The following LIPE variants were observed in gnomAD, a reference collection of about 807,000 sequenced individuals.
LIPE encodes the protein lipase E, hormone sensitive type.
Under a neutral mutation model 88.5 loss-of-function variants are expected in LIPE, and 66 were observed. That is an observed-to-expected ratio of 0.75 (90% confidence interval 0.61 to 0.91). The LOEUF (loss-of-function observed/expected upper bound fraction) is 0.91. Among genes scored for constraint, LIPE ranks in the 40% least tolerant of loss-of-function variants. The probability of loss-of-function intolerance (pLI) is 0.00; values close to 1 mark genes in which losing one functional copy is unlikely to be tolerated. For synonymous variants in LIPE, 570 were observed against 617.5 expected, an observed-to-expected ratio of 0.92 and a Z score of 1.14; for missense variants, 1,346 against 1,434.7, an observed-to-expected ratio of 0.94 and a Z score of 1.00.
chr19:42,412,241 C>T, intron 1 of LIPE: 1 of 982,922 alleles, frequency 1.0e-6, no homozygotes, highest in East Asian at 1.1e-4. Context: ...CCATCTGCTC[C>T]AGTGACTTCC....
chr19:42,406,112 G>A lies in LIPE; in HGVS notation c.2365+49C>T. The A allele has an allele frequency of 1.3e-6, 2 of 1,506,950 alleles. No homozygotes were observed. The highest frequency in any genetic ancestry group is 1.7e-5 in the Admixed American group (1 of 57,174). The allele number at this position is 1,506,950 out of a possible 1,614,324, so 93.3% of individuals were successfully genotyped here. ...TGGTCCCCAGCCCGTCCCTGCAGGA[G>A]TCAGACATCCATGCAGTCCTGTTTC... is the stretch of plus-strand genomic sequence containing the variant. On this transcript the variant is annotated intron_variant, in intron 7 of 9. Coordinates refer to ENST00000244289, the MANE Select transcript of LIPE (RefSeq NM_005357.4). The surrounding 1 kb of genome is among the most constrained non-coding windows in gnomAD (Gnocchi z 5.7).
Position 42,410,875 on chromosome 19 carries a change from G to T in LIPE, c.884-33C>A. 6.6e-7 allele frequency: 1 copy of T among 1,514,648 alleles called. No homozygotes were observed. Among genetic ancestry groups the T allele is most frequent in the Non-Finnish European group, 8.8e-7 (1 of 1,134,232 alleles). 93.8% of individuals were successfully genotyped at this position (1,514,648 alleles called of 1,614,324 possible). A position where few individuals can be genotyped will look rare whatever the true frequency, so the allele number is the denominator to read the frequency against. Reference sequence around the variant, plus strand: ...CAGGTGGGGAGGCCTGTTAGGTGGGGCTGGATCAAGCCTTGCTTAGCTGGG... The same window carrying T: ...CAGGTGGGGAGGCCTGTTAGGTGGGTCTGGATCAAGCCTTGCTTAGCTGGG... On this transcript the variant is annotated intron_variant, in intron 1 of 9. Transcript: ENST00000244289. This position sits in a 1 kb window ranked among gnomAD's most constrained non-coding sequence, Gnocchi z 6.1.
rs746014470 is a variant in LIPE, at chr19:42,402,829, A to G, written c.2745T>C (p.Pro915=). 7 of 1,613,414 alleles carry G rather than the reference A, an allele frequency of 4.3e-6. No individual in the cohort carries two copies. In the African/African-American group the frequency reaches 6.7e-5, roughly 15 times the overall value. The part of the protein sequence containing the change: ...TPSDVNFLLP[P]EDAGEEAEAK... ...CCTCAGCCTCTTCCCCTGCATCCTC[A>G]GGTGGTAATAAGAAGTTGACATCGG... The change falls in exon 9 of 10, where the codon CCT becomes CCC. Residue 915 remains proline (P), a synonymous_variant. Coordinates refer to ENST00000244289, the MANE Select transcript of LIPE (RefSeq NM_005357.4).
At position 42,407,099 on chromosome 19, in the gene LIPE, T is replaced by A; in HGVS notation, c.2137+75A>T. The A allele has an allele frequency of 7.6e-7, 1 of 1,310,950 alleles. No individual in the cohort carries two copies. Among genetic ancestry groups the A allele is most frequent in the Non-Finnish European group, 1.0e-6 (1 of 982,190 alleles). 81.2% of individuals were successfully genotyped at this position (1,310,950 alleles called of 1,614,324 possible). A position where few individuals can be genotyped will look rare whatever the true frequency, so the allele number is the denominator to read the frequency against. On this transcript the variant is annotated intron_variant, in intron 6 of 9. Coordinates refer to ENST00000244289, the MANE Select transcript of LIPE (RefSeq NM_005357.4). This position sits in a 1 kb window ranked among gnomAD's most constrained non-coding sequence, Gnocchi z 5.8. Reference sequence around the variant, plus strand: ...GAGAGAAAGGTAGAGGGTGTGAGGCTGAGGCTGGAGGAGCTTAAAGCAAGC... The same window carrying A: ...GAGAGAAAGGTAGAGGGTGTGAGGCAGAGGCTGGAGGAGCTTAAAGCAAGC...
intron 1 of LIPE, among the ~76,000 whole-genome samples, chr19:42,426,012 G>C (rs529473213): frequency 1.1e-4 from 16 of 151,792 alleles, no homozygotes; most frequent in African/African-American, 3.9e-4. Context: ...ATCTTGGCTA[G>C]GCTGGTCTTG....
At chr19:42,423,723 A>G (rs2040650440) in intron 1 of LIPE, 2 of 1,130,824 alleles carry the variant, frequency 1.8e-6, no homozygotes, top group Non-Finnish European at 2.2e-6. Flanking sequence ...CAACCGCCAG[A>G]ATTTAAGATC....
chr19:42,413,943 C>CA (rs1305047965), intron 1 of LIPE, among the ~76,000 whole-genome samples: 1 of 152,178 alleles, frequency 6.6e-6, no homozygotes, highest in African/African-American at 2.4e-5. Context: ...GATGGATAGA[C>CA]AGAGGCCTCA....
intron 1 of LIPE, among the ~76,000 whole-genome samples, chr19:42,412,854 T>C (rs989184001): frequency 6.6e-6 from 1 of 152,024 alleles, no homozygotes; most frequent in Non-Finnish European, 1.5e-5. Flanking sequence ...CCCCAGCTGT[T>C]GGGGGGAGAG....
At chr19:42,416,215 A>T (rs1421862416) in intron 1 of LIPE, among the ~76,000 whole-genome samples, 1 of 151,770 alleles carries the variant, frequency 6.6e-6, no homozygotes, top group Non-Finnish European at 1.5e-5. Flanking sequence ...GTGGTGGCGC[A>T]TGCCTGTAAT....
In LIPE at chr19:42,422,456, C is replaced by T. The variant is rs572345555; in HGVS notation, c.883+3811G>A. Among the ~76,000 whole-genome samples, 11 of 152,304 alleles carry T rather than the reference C, an allele frequency of 7.2e-5. No homozygotes were observed. In the South Asian group the frequency reaches 2.3e-3, roughly 32 times the overall value. On this transcript the variant is annotated intron_variant, in intron 1 of 9. Transcript: ENST00000244289. ...CAGCGAGTGCCCTTGGGCTCCAGTCCGTCTGCCCTCTGAGCCTGTCTGAGC... is the reference window on the plus strand; with the variant it reads ...CAGCGAGTGCCCTTGGGCTCCAGTCTGTCTGCCCTCTGAGCCTGTCTGAGC...
Position 42,406,634 on chromosome 19 carries a change from C to T in LIPE, c.2138-246G>A, listed in dbSNP as rs558620294. Among the ~76,000 whole-genome samples, 3 of 151,824 alleles carry T rather than the reference C, an allele frequency of 2.0e-5. No individual in the cohort carries two copies. Among genetic ancestry groups the T allele is most frequent in the South Asian group, 2.1e-4 (1 of 4,812 alleles). On this transcript the variant is annotated intron_variant, in intron 6 of 9. Transcript: ENST00000244289. This position sits in a 1 kb window ranked among gnomAD's most constrained non-coding sequence, Gnocchi z 5.7. ...CCAGGGAAGCACTGGGAAAGTCTGT[C>T]GGGGCTGGAGGTTGGGAGCAGGGAG...
At chr19:42,403,977 C>T (rs35260629) in intron 8 of LIPE, among the ~76,000 whole-genome samples, 3,455 of 152,178 alleles carry the variant, frequency 0.023, 127 homozygotes, top group African/African-American at 0.078. Flanking sequence ...GCCCACCTGG[C>T]GTGCCCAGCT....
intron 1 of LIPE, 134 bp downstream of exon 1, chr19:42,426,133 G>A: frequency 5.5e-6 from 3 of 545,918 alleles, no homozygotes; most frequent in Non-Finnish European, 8.7e-6. Flanking sequence ...TTTAATAATG[G>A]GGATGTTGAT....
chr19:42,410,861 G>A lies in LIPE; in HGVS notation c.884-19C>T, dbSNP rs938502726. 1 of 1,530,970 alleles carries A rather than the reference G, an allele frequency of 6.5e-7. No individual in the cohort carries two copies. The highest frequency in any genetic ancestry group is 8.8e-7 in the Non-Finnish European group (1 of 1,140,170). 94.8% of individuals were successfully genotyped at this position (1,530,970 alleles called of 1,614,324 possible). ...CTTGAGGCTGTGGGCAGGTGGGGAG[G>A]CCTGTTAGGTGGGGCTGGATCAAGC... On this transcript the variant is annotated intron_variant, in intron 1 of 9. Coordinates refer to ENST00000244289, the MANE Select transcript of LIPE (RefSeq NM_005357.4). The surrounding 1 kb of genome is among the most constrained non-coding windows in gnomAD (Gnocchi z 6.1).
chr19:42,415,022 A>G (rs1399121146), intron 1 of LIPE, among the ~76,000 whole-genome samples: 2 of 152,000 alleles, frequency 1.3e-5, no homozygotes, highest in African/African-American at 2.4e-5. Flanking sequence ...ACTTGAGGTC[A>G]GGAGGTTGAG....
rs778571591 is a variant in LIPE at position 42,402,910 on chromosome 19, C to T, written c.2664G>A (p.Ser888=). 7.4e-6 allele frequency: 12 copies of T among 1,612,338 alleles called. No homozygotes were observed. Among genetic ancestry groups the T allele is most frequent in the African/African-American group, 1.3e-5 (1 of 74,842 alleles). The change falls in exon 9 of 10, where the codon TCG becomes TCA. Residue 888 remains serine (S), a synonymous_variant. Coordinates refer to ENST00000244289, the MANE Select transcript of LIPE (RefSeq NM_005357.4). ...ACAGCGACATCTCGGGGGTGTCCGA[C>T]GACGTCTCGGAGTTTCCCCTCAGGC... ...DLSLRGNSET[S]SDTPEMSLSA...
chr19:42,422,079 A>C (rs531656147), intron 1 of LIPE, among the ~76,000 whole-genome samples: 3 of 152,368 alleles, frequency 2.0e-5, no homozygotes, highest in African/African-American at 7.2e-5. Flanking sequence ...TTTGCCTGGC[A>C]TACCAGGCTC....
intron 1 of LIPE, chr19:42,424,140 C>T: frequency 4.2e-6 from 5 of 1,198,468 alleles, no homozygotes; most frequent in South Asian, 1.5e-5. Flanking sequence ...TCTCCTATTG[C>T]GCTTTTCCTG....
At chr19:42,402,199 G>A (rs2040000290) in intron 9 of LIPE, 124 bp from the exon 10 acceptor site, 1 of 945,672 alleles carries the variant, frequency 1.1e-6, no homozygotes, top group African/African-American at 1.8e-5. Flanking sequence ...GGAGTGGACG[G>A]AGGCAGGAGA....
Sources: allele counts gnomAD v4.1 joint callset (sites outside exome capture counted in the v4.1 genomes callset), GRCh38; gene constraint gnomAD v4.1.1; non-coding constraint Gnocchi (gnomAD v3.1); transcripts MANE v1.5; gene names NCBI Gene and HGNC (gene_info 2026-07-23, HGNC 2026-07-21).